The following SRBD1 variants were observed in gnomAD, a reference collection of about 807,000 sequenced individuals.
The protein encoded by SRBD1 is S1 RNA binding domain 1.
Under a neutral mutation model 115.3 loss-of-function variants are expected in SRBD1, and 88 were observed. The observed-to-expected ratio is 0.76, with a 90% CI of 0.64 to 0.91. The LOEUF is 0.91. Ranked by LOEUF, SRBD1 falls within the 40% of genes least tolerant of loss-of-function variation. The pLI is 0.00. For missense variants in SRBD1, 1,385 were observed against 1,177.4 expected (o/e 1.18, Z -2.58); for synonymous variants, 509 against 407.7 (o/e 1.25, Z -2.99).
chr2:45,523,031 C>A (rs527732906), intron 14 of SRBD1, among the ~76,000 whole-genome samples: 1 of 151,802 alleles, frequency 6.6e-6, no homozygotes, highest in African/African-American at 2.4e-5. Context: ...AACTTCTGGT[C>A]CCAAGCATGT....
chr2:45,558,685 A>ATTTTTTTTTTTTTTTTTTTTTTTTTT (rs1214807980), intron 10 of SRBD1, among the ~76,000 whole-genome samples: 1 of 89,530 alleles, frequency 1.1e-5, no homozygotes, highest in Non-Finnish European at 2.2e-5. Context: ...CCACACAATT[A>ATTTTTTTTTTTTTTTTTTTTTTTTTT]TTTTTTTTTT....
intron 16 of SRBD1, among the ~76,000 whole-genome samples, chr2:45,430,621 T>G (rs1220071214): frequency 6.6e-6 from 1 of 152,312 alleles, no homozygotes; most frequent in South Asian, 2.1e-4. Context: ...ACCCCTTCCT[T>G]ACATCTTATA....
intron 19 of SRBD1, among the ~76,000 whole-genome samples, chr2:45,408,757 A>G (rs1207496541): frequency 1.3e-5 from 2 of 152,208 alleles, no homozygotes; most frequent in African/African-American, 4.8e-5. Context: ...GCACTACTAT[A>G]ACTAAAATAA....
At chr2:45,458,132 C>T (rs1457955779) in intron 16 of SRBD1, among the ~76,000 whole-genome samples, 1 of 151,856 alleles carries the variant, frequency 6.6e-6, no homozygotes, top group Non-Finnish European at 1.5e-5. Flanking sequence ...TGTGATGTTA[C>T]TTTGGAGTTT....
chr2:45,463,030 G>C (rs1053842552), intron 16 of SRBD1, among the ~76,000 whole-genome samples: 2 of 74,710 alleles, frequency 2.7e-5, no homozygotes, highest in East Asian at 8.4e-4. Flanking sequence ...GGGGGGGGGG[G>C]GAAATCTCTC....
chr2:45,514,323 G>T (rs1054358459), intron 14 of SRBD1, among the ~76,000 whole-genome samples: 1 of 152,084 alleles, frequency 6.6e-6, no homozygotes, highest in East Asian at 1.9e-4. Context: ...AAATAAGTAG[G>T]GGCCATTTGT....
At chr2:45,488,526 T>C (rs1402834019) in intron 14 of SRBD1, among the ~76,000 whole-genome samples, 195 bp from the exon 15 acceptor site, 1 of 152,212 alleles carries the variant, frequency 6.6e-6, no homozygotes, top group African/African-American at 2.4e-5. Flanking sequence ...TTTTTTCACA[T>C]ATGAAATACA....
At chr2:45,536,228 A>G (rs1671759062) in intron 14 of SRBD1, among the ~76,000 whole-genome samples, 2 of 152,088 alleles carry the variant, frequency 1.3e-5, no homozygotes, top group Admixed American at 1.3e-4. Context: ...AGAAAAATAC[A>G]TAAATGTAAG....
chr2:45,405,564 T>C (rs1667408520), intron 19 of SRBD1, among the ~76,000 whole-genome samples: 1 of 152,086 alleles, frequency 6.6e-6, no homozygotes, highest in Admixed American at 6.6e-5. Context: ...AGGTAAGAGA[T>C]ACAGATGGTC....
intron 13 of SRBD1, 140 bp from the exon 14 acceptor site, chr2:45,546,979 A>T (rs984978203): frequency 1.3e-6 from 1 of 761,972 alleles, no homozygotes; most frequent in Admixed American, 2.2e-5. Flanking sequence ...CCACTGTTGC[A>T]TAAGGAAAAC....
At chr2:45,583,245 A>G (rs1467413259) in intron 5 of SRBD1, among the ~76,000 whole-genome samples, 4 of 152,160 alleles carry the variant, frequency 2.6e-5, no homozygotes, top group Non-Finnish European at 5.9e-5. Context: ...GAAGACTATA[A>G]ATTAAAGAGA....
In SRBD1 at chr2:45,421,510, C is replaced by CAA. The variant is rs869298079; in HGVS notation, c.2050-1618_2050-1617dup. Among the ~76,000 whole-genome samples the CAA allele has an allele frequency of 3.9e-3, 86 of 22,304 alleles. 7 individuals carry two copies. Among genetic ancestry groups the CAA allele is most frequent in the East Asian group, 5.7e-3 (7 of 1,226 alleles). The allele number at this position is 22,304 out of a possible 152,430, so 14.6% of individuals were successfully genotyped here. A position where few individuals can be genotyped will look rare whatever the true frequency, so the allele number is the denominator to read the frequency against. On this transcript the variant is annotated intron_variant, in intron 16 of 20. Coordinates refer to ENST00000263736, the MANE Select transcript of SRBD1 (RefSeq NM_018079.5). The stretch of plus-strand genomic sequence containing the variant: ...TGACGGTGTGAGACTCCGTCTCAAA[C>CAA]AAAAAAAAAAAAAAAAAAAAAAAAA...
chr2:45,493,896 A>G (rs1213279743), intron 14 of SRBD1, among the ~76,000 whole-genome samples: 2 of 152,150 alleles, frequency 1.3e-5, no homozygotes, highest in East Asian at 3.8e-4. Flanking sequence ...CCCGTCAAAG[A>G]CTTTCAAACT....
At chr2:45,422,714 A>G (rs1484264223) in intron 16 of SRBD1, among the ~76,000 whole-genome samples, 2 of 152,248 alleles carry the variant, frequency 1.3e-5, no homozygotes, top group African/African-American at 2.4e-5. Context: ...GCAGAGTTAA[A>G]AGCAAAGCAT....
intron 6 of SRBD1, among the ~76,000 whole-genome samples, chr2:45,581,409 C>A (rs926716116): frequency 6.6e-6 from 1 of 152,186 alleles, no homozygotes; most frequent in Non-Finnish European, 1.5e-5. Flanking sequence ...TAGTTCAGCC[C>A]TCTCTGATAA....
intron 14 of SRBD1, 129 bp downstream of exon 14, chr2:45,546,603 G>T: frequency 1.1e-6 from 1 of 912,850 alleles, no homozygotes; most frequent in Non-Finnish European, 1.7e-6. Flanking sequence ...AAGTTCTCAT[G>T]AACACCAAGA....
intron 16 of SRBD1, among the ~76,000 whole-genome samples, chr2:45,438,571 A>G (rs1267934811): frequency 2.0e-5 from 3 of 152,248 alleles, no homozygotes; most frequent in African/African-American, 7.2e-5. Context: ...GAAATACAGC[A>G]TCTGAAATAA....
chr2:45,497,155 C>T (rs1670485022), intron 14 of SRBD1, among the ~76,000 whole-genome samples: 2 of 152,084 alleles, frequency 1.3e-5, no homozygotes, highest in Admixed American at 1.3e-4. Context: ...TCTACTGTCG[C>T]TATGGCAAAT....
chr2:45,483,010 G>A (rs1489973189), intron 15 of SRBD1, among the ~76,000 whole-genome samples: 1 of 151,796 alleles, frequency 6.6e-6, no homozygotes, highest in Non-Finnish European at 1.5e-5. Context: ...TGTTGAATCC[G>A]TGGGCACGTG....
Sources: gnomAD v4.1 joint callset for allele counts (sites outside exome capture counted in the v4.1 genomes callset) on GRCh38, gnomAD v4.1.1 for gene constraint, MANE v1.5 for transcripts, NCBI Gene and HGNC (gene_info 2026-07-23, HGNC 2026-07-21) for gene names.